The following MGAT4A variants were observed in gnomAD, a reference collection of about 807,000 sequenced individuals.
MGAT4A encodes alpha-1,3-mannosyl-glycoprotein 4-beta-N-acetylglucosaminyltransferase A, also known as N-acetylglucosaminyltransferase IVa.
In MGAT4A, 33 loss-of-function variants were observed where a neutral mutation model predicts 74.1. That is an observed-to-expected ratio of 0.45 (90% CI 0.34 to 0.60). The LOEUF (loss-of-function observed/expected upper bound fraction) is 0.60. MGAT4A is among the 20% of genes least tolerant of loss of function. The pLI is 0.02. For synonymous variants in MGAT4A, 198 were observed against 210.4 expected (o/e 0.94, Z 0.51); for missense variants, 479 against 628.3 (o/e 0.76, Z 2.54).
At chr2:98,695,980 G>A (rs780505811) in intron 2 of MGAT4A, among the ~76,000 whole-genome samples, 18 of 150,432 alleles carry the variant, frequency 1.2e-4, no homozygotes, top group Non-Finnish European at 2.1e-4. Context: ...CCAGGCTCAA[G>A]AGATTCTCCT....
chr2:98,664,770 T>C (rs1216470904), intron 4 of MGAT4A, among the ~76,000 whole-genome samples: 1 of 152,194 alleles, frequency 6.6e-6, no homozygotes, highest in African/African-American at 2.4e-5. Flanking sequence ...TCCTTTTTTA[T>C]AGTGTAACTG....
At chr2:98,640,770 A>C (rs1254746165) in intron 10 of MGAT4A, among the ~76,000 whole-genome samples, 1 of 152,240 alleles carries the variant, frequency 6.6e-6, no homozygotes, top group Non-Finnish European at 1.5e-5. Flanking sequence ...TAGTTAAGGG[A>C]AGAGTGAAGG....
chr2:98,680,971 C>CT (rs1344892419), intron 2 of MGAT4A, among the ~76,000 whole-genome samples: 4 of 151,398 alleles, frequency 2.6e-5, no homozygotes, highest in Non-Finnish European at 5.9e-5. Flanking sequence ...ATTCAGTATC[C>CT]TTTTTTGTTG....
At chr2:98,651,496 T>C (rs908449265) in intron 8 of MGAT4A, among the ~76,000 whole-genome samples, 1 of 152,176 alleles carries the variant, frequency 6.6e-6, no homozygotes, top group Non-Finnish European at 1.5e-5. Flanking sequence ...AAGTAATAAA[T>C]AGACTGTTAT....
At chr2:98,704,272 A>T (rs1168482540) in intron 2 of MGAT4A, among the ~76,000 whole-genome samples, 2 of 152,212 alleles carry the variant, frequency 1.3e-5, no homozygotes, top group African/African-American at 4.8e-5. Flanking sequence ...GCTCTATGTA[A>T]GCAGTCGCTT....
At chr2:98,638,021 G>A (rs1316660947) in intron 12 of MGAT4A, among the ~76,000 whole-genome samples, 1 of 152,140 alleles carries the variant, frequency 6.6e-6, no homozygotes, top group Non-Finnish European at 1.5e-5. Flanking sequence ...TTGGGCAAGT[G>A]GGGTGATGGG....
chr2:98,654,924 C>T (rs111332549), intron 8 of MGAT4A, among the ~76,000 whole-genome samples: 2 of 152,184 alleles, frequency 1.3e-5, no homozygotes, highest in Admixed American at 6.5e-5. Context: ...TGCAGCAGCT[C>T]GTGTCTGTAA....
At chr2:98,655,300 T>C (rs1007946702) in intron 8 of MGAT4A, 145 bp downstream of exon 8, 1 of 572,784 alleles carries the variant, frequency 1.7e-6, no homozygotes, top group East Asian at 3.1e-5. Context: ...TCAGTTACCA[T>C]GGAGACCCCT....
intron 4 of MGAT4A, among the ~76,000 whole-genome samples, chr2:98,672,478 T>C (rs2104283382): frequency 6.6e-6 from 1 of 152,328 alleles, no homozygotes; most frequent in South Asian, 2.1e-4. Flanking sequence ...TGTGCCGTTT[T>C]GGTAGATAAC....
At chr2:98,709,626 T>G (rs1343625748) in intron 2 of MGAT4A, among the ~76,000 whole-genome samples, 1 of 152,182 alleles carries the variant, frequency 6.6e-6, no homozygotes, top group Non-Finnish European at 1.5e-5. Context: ...TTCAGGAGTA[T>G]GAGATTTCCT....
At chr2:98,709,501 A>G (rs540067280) in intron 2 of MGAT4A, among the ~76,000 whole-genome samples, 1 of 152,130 alleles carries the variant, frequency 6.6e-6, no homozygotes, top group Non-Finnish European at 1.5e-5. Context: ...CAAAAATAAG[A>G]CATTTTACAA....
intron 2 of MGAT4A, among the ~76,000 whole-genome samples, chr2:98,710,821 T>C (rs906679878): frequency 6.6e-6 from 1 of 152,180 alleles, no homozygotes; most frequent in East Asian, 1.9e-4. Flanking sequence ...TTCCTTCCTC[T>C]AATAAGTATG....
At chr2:98,663,005 G>A (rs1231251419) in intron 5 of MGAT4A, 41 bp downstream of exon 5, 3 of 1,375,520 alleles carry the variant, frequency 2.2e-6, no homozygotes, top group African/African-American at 1.4e-5. Context: ...AACTCTTATA[G>A]GCTATATTTG....
intron 14 of MGAT4A, among the ~76,000 whole-genome samples, chr2:98,629,720 G>A (rs1418500788): frequency 6.6e-6 from 1 of 152,094 alleles, no homozygotes; most frequent in East Asian, 1.9e-4. Context: ...GGGAATTTTA[G>A]GCAGCCAATT....
intron 2 of MGAT4A, among the ~76,000 whole-genome samples, chr2:98,711,461 A>G (rs1702518185): frequency 6.6e-6 from 1 of 152,148 alleles, no homozygotes; most frequent in Non-Finnish European, 1.5e-5. Flanking sequence ...AGGTATAAAA[A>G]TGAGAATTAC....
intron 4 of MGAT4A, among the ~76,000 whole-genome samples, chr2:98,664,321 G>T (rs547522586): frequency 6.9e-6 from 1 of 145,212 alleles, no homozygotes; most frequent in African/African-American, 2.5e-5. Flanking sequence ...ATGCAAATTT[G>T]TTTCTACATG....
chr2:98,692,427 GAAT>G (rs1263072770), intron 2 of MGAT4A, among the ~76,000 whole-genome samples: 1 of 151,994 alleles, frequency 6.6e-6, no homozygotes, highest in Non-Finnish European at 1.5e-5. Flanking sequence ...TTTGAAGAAA[GAAT>G]AATATTTTTA....
In MGAT4A at chr2:98,635,249, G is replaced by A. The variant is rs775889928; in HGVS notation, c.1441C>T (p.Arg481Ter). Residue 481 changes from arginine to a stop codon, truncating the protein, a stop_gained, in exon 14 of 16, where the codon CGA becomes TGA. Transcript: ENST00000393487. LOFTEE classifies it high-confidence loss of function. The stretch of plus-strand genomic sequence containing the variant: ...ATTCTGAAATAGCCATCTTCTAATC[G>A]TTTGTCTTTGGTTTCTTTGCTTATT... The part of the protein sequence containing the change: ...LEISKETKDK[R>*]LEDGYFRIGK... 2.5e-6 allele frequency: 4 copies of A among 1,608,706 alleles called. No homozygotes were observed. The highest frequency in any genetic ancestry group is 1.7e-5 in the Admixed American group (1 of 59,102).
chr2:98,655,725 C>T (rs930609774), intron 7 of MGAT4A: 4 of 435,880 alleles, frequency 9.2e-6, no homozygotes, highest in Non-Finnish European at 1.6e-5. Flanking sequence ...AATGTATTCC[C>T]AAGAACACTA....
Sources: allele counts gnomAD v4.1 joint callset (sites outside exome capture counted in the v4.1 genomes callset), GRCh38; gene constraint gnomAD v4.1.1; transcripts MANE v1.5; gene names NCBI Gene and HGNC (gene_info 2026-07-23, HGNC 2026-07-21).